Variants in NBEAL1 observed in about 807,000 individuals in gnomAD.
NBEAL1 encodes neurobeachin like 1, also known as neurobeachin-like protein 1.
A neutral mutation model predicts 351.3 loss-of-function variants in NBEAL1; 273 were observed. That is an observed-to-expected ratio of 0.78 (90% CI 0.70 to 0.86). The LOEUF (loss-of-function observed/expected upper bound fraction) is 0.86. NBEAL1 is among the 40% of genes least tolerant of loss of function. NBEAL1 has a pLI of 0.00. For missense variants in NBEAL1, 2,961 were observed against 3,201.3 expected, an observed-to-expected ratio of 0.92 and a Z score of 1.81; for synonymous variants, 1,050 against 1,086.4, an observed-to-expected ratio of 0.97 and a Z score of 0.66.
At position 203,156,666 on chromosome 2, in the gene NBEAL1, G is replaced by A. The variant is rs182843762; in HGVS notation, c.5588-1033G>A. Among the ~76,000 whole-genome samples the A allele has an allele frequency of 2.2e-3, 337 of 152,298 alleles. 1 individual carries two copies. Among genetic ancestry groups the A allele is most frequent in the Admixed American group, 4.3e-3 (66 of 15,298 alleles). On this transcript the variant is annotated intron_variant, in intron 35 of 55. Coordinates refer to ENST00000683969, the MANE Select transcript of NBEAL1 (RefSeq NM_001378026.1). Reference sequence around the variant, plus strand: ...ATCAAACAGATTTACACAGAAAAATGCAGCTGTACGTTACGTTGATTCATC... The same window carrying A: ...ATCAAACAGATTTACACAGAAAAATACAGCTGTACGTTACGTTGATTCATC...
At position 203,148,980 on chromosome 2, in the gene NBEAL1, G is replaced by T. The variant is rs751517889; in HGVS notation, c.5305-11G>T. ...TGAGTCAATGACCTTACTTTTTATTGTTTCTTTCAGGAGCTGTTTGTGGAG... is the reference window on the plus strand; with the variant it reads ...TGAGTCAATGACCTTACTTTTTATTTTTTCTTTCAGGAGCTGTTTGTGGAG... On this transcript the variant is annotated splice_polypyrimidine_tract_variant and intron_variant, in intron 33 of 55. Coordinates refer to ENST00000683969, the MANE Select transcript of NBEAL1 (RefSeq NM_001378026.1). The T allele has an allele frequency of 6.3e-7, 1 of 1,597,704 alleles. No homozygotes were observed. The highest frequency in any genetic ancestry group is 8.5e-7 in the Non-Finnish European group (1 of 1,172,118).
At chr2:203,191,392 A>T in intron 46 of NBEAL1, 1 of 266,628 alleles carries the variant, frequency 3.8e-6, no homozygotes, top group Non-Finnish European at 7.3e-6. Flanking sequence ...ATTACTACAT[A>T]TATTTCTTTC....
chr2:203,094,847 C>T (rs10210341), intron 10 of NBEAL1, among the ~76,000 whole-genome samples: 138,528 of 152,254 alleles, frequency 0.91, 63,528 homozygotes, highest in Non-Finnish European at 0.96. Flanking sequence ...ATAGGCCAGG[C>T]TCAGTGGCTC....
chr2:203,089,712 G>A (rs1259132842), intron 10 of NBEAL1, among the ~76,000 whole-genome samples: 2 of 152,132 alleles, frequency 1.3e-5, no homozygotes, highest in Admixed American at 1.3e-4. Flanking sequence ...AAATCTTAAA[G>A]GTCAGTCTTA....
intron 18 of NBEAL1, among the ~76,000 whole-genome samples, chr2:203,120,256 T>C (rs1210741607): frequency 6.6e-6 from 1 of 152,218 alleles, no homozygotes; most frequent in African/African-American, 2.4e-5. Flanking sequence ...TTGGTTATCT[T>C]TTCTAAGCTT....
chr2:203,037,772 C>T (rs1265311735), intron 2 of NBEAL1, among the ~76,000 whole-genome samples: 2 of 148,278 alleles, frequency 1.3e-5, no homozygotes, highest in Admixed American at 6.8e-5. Flanking sequence ...AGTTTGAGAC[C>T]GTAACAAGAC....
At chr2:203,064,254 T>C (rs1054554199) in intron 6 of NBEAL1, among the ~76,000 whole-genome samples, 1 of 152,124 alleles carries the variant, frequency 6.6e-6, no homozygotes, top group African/African-American at 2.4e-5. Flanking sequence ...GGTTTCACCA[T>C]GTTGGCCAGA....
chr2:203,186,620 ATAAAT>A (rs1292724737), intron 44 of NBEAL1, among the ~76,000 whole-genome samples: 1 of 151,868 alleles, frequency 6.6e-6, no homozygotes, highest in African/African-American at 2.4e-5. Context: ...TTCCATAAAA[ATAAAT>A]AAATAAATAA....
At position 203,218,493 on chromosome 2, in the gene NBEAL1, G is replaced by A. The variant is rs1326908714; in HGVS notation, c.*1139G>A. On this transcript the variant is annotated 3_prime_UTR_variant, in exon 56 of 56. Coordinates refer to ENST00000683969, the MANE Select transcript of NBEAL1 (RefSeq NM_001378026.1). Reference sequence around the variant, plus strand: ...GTGTTATTAATCTGAGATTTCATGTGTTTGGGAGAACTTGTGAATCCCTCT... The same window carrying A: ...GTGTTATTAATCTGAGATTTCATGTATTTGGGAGAACTTGTGAATCCCTCT... The A allele has an allele frequency of 6.6e-6, 1 of 152,144 alleles. No individual in the cohort carries two copies. The highest frequency in any genetic ancestry group is 1.5e-5 in the Non-Finnish European group (1 of 68,014). The allele number at this position is 152,144 out of a possible 1,614,324, so 9.4% of individuals were successfully genotyped here. A position where few individuals can be genotyped will look rare whatever the true frequency, so the allele number is the denominator to read the frequency against.
intron 44 of NBEAL1, among the ~76,000 whole-genome samples, chr2:203,185,991 A>G (rs1192272214): frequency 6.6e-6 from 1 of 152,134 alleles, no homozygotes; most frequent in East Asian, 1.9e-4. Context: ...CTACATGCAA[A>G]ATATATTCAC....
rs2063652643 is a variant in NBEAL1, at chr2:203,151,531, G to A, written c.5529G>A (p.Leu1843=). 6.2e-7 allele frequency: 1 copy of A among 1,610,592 alleles called. No individual in the cohort carries two copies. The highest frequency in any genetic ancestry group is 1.7e-5 in the Admixed American group (1 of 59,480). ...ATTATTCCCGCATGAGACTTAAGCT[G>A]GTACCGAATTATAATTTCAAAACCC... The part of the protein sequence containing the change: ...VENYSRMRLK[L]VPNYNFKTHE... The change falls in exon 35 of 56, where the codon CTG becomes CTA. Residue 1843 remains leucine (L), a synonymous_variant. Coordinates refer to ENST00000683969, the MANE Select transcript of NBEAL1 (RefSeq NM_001378026.1).
intron 2 of NBEAL1, among the ~76,000 whole-genome samples, chr2:203,027,153 C>G (rs1032793978): frequency 6.6e-6 from 1 of 152,136 alleles, no homozygotes; most frequent in African/African-American, 2.4e-5. Context: ...TGTGCCATAG[C>G]CATATTTGAA....
At chr2:203,024,895 C>A (rs1163656077) in intron 2 of NBEAL1, among the ~76,000 whole-genome samples, 4 of 152,056 alleles carry the variant, frequency 2.6e-5, no homozygotes, top group Admixed American at 2.6e-4. Context: ...TACATACATA[C>A]ATAAATTGAT....
chr2:203,148,951 T>A (rs764679788), intron 33 of NBEAL1, 40 bp from the exon 34 acceptor site: 27 of 1,530,574 alleles, frequency 1.8e-5, no homozygotes, highest in Non-Finnish European at 2.3e-5. Context: ...TACCTGTAAA[T>A]ATATGAGTCA....
At position 203,138,148 on chromosome 2, in the gene NBEAL1, T is replaced by C. The variant is rs2063267441; in HGVS notation, c.4566-14T>C. The C allele has an allele frequency of 5.0e-6, 8 of 1,612,560 alleles. No homozygotes were observed. The South Asian group carries it at 8.8e-5, about 18-fold the overall frequency. On this transcript the variant is annotated splice_polypyrimidine_tract_variant and intron_variant, in intron 29 of 55. Coordinates refer to ENST00000683969, the MANE Select transcript of NBEAL1 (RefSeq NM_001378026.1). ...GCTCACAATGGTTTTAAGAGGACTT[T>C]GTTTTCCATTTAGTTTGCTACAAAA...
At chr2:203,056,204 A>G (rs1342681643) in intron 4 of NBEAL1, among the ~76,000 whole-genome samples, 1 of 152,238 alleles carries the variant, frequency 6.6e-6, no homozygotes, top group East Asian at 1.9e-4. Flanking sequence ...TAATCAGCAT[A>G]TACTTTTTAA....
intron 12 of NBEAL1, among the ~76,000 whole-genome samples, chr2:203,100,071 T>C (rs539923553): frequency 1.1e-4 from 16 of 152,322 alleles, no homozygotes; most frequent in Admixed American, 1.0e-3. Context: ...GCAAAGGATA[T>C]GAGGATATGA....
chr2:203,187,173 TC>T (rs201857383), intron 44 of NBEAL1, among the ~76,000 whole-genome samples: 3,046 of 152,036 alleles, frequency 0.02, 99 homozygotes, highest in African/African-American at 0.069. Context: ...CAGGTGATCC[TC>T]CCACCTCAGC....
intron 2 of NBEAL1, among the ~76,000 whole-genome samples, chr2:203,018,579 TTTG>T (rs553919374): frequency 7.8e-4 from 118 of 152,254 alleles, no homozygotes; most frequent in Middle Eastern, 3.4e-3. Context: ...AGCAGTTTTT[TTTG>T]TTGTTGTTGT....
Sources: allele counts gnomAD v4.1 joint callset (sites outside exome capture counted in the v4.1 genomes callset), GRCh38; gene constraint gnomAD v4.1.1; transcripts MANE v1.5; gene names NCBI Gene and HGNC (gene_info 2026-07-23, HGNC 2026-07-21).